LMBR1L: variants seen among roughly 807,000 people sequenced by gnomAD.
LMBR1L encodes the protein protein LMBR1L.
A neutral mutation model predicts 67.3 loss-of-function variants in LMBR1L; 47 were observed. The observed-to-expected ratio is 0.70, with a 90% CI of 0.55 to 0.89. The LOEUF is 0.89. Among genes scored for constraint, LMBR1L ranks in the 40% least tolerant of loss-of-function variants. The pLI is 0.00. For missense variants in LMBR1L, 533 were observed against 599.2 expected, an observed-to-expected ratio of 0.89 and a Z score of 1.15; for synonymous variants, 247 against 250.3, an observed-to-expected ratio of 0.99 and a Z score of 0.13.
rs774526219 is a variant in LMBR1L at position 49,100,543 on chromosome 12, C to G, written c.1173+13G>C. The G allele has an allele frequency of 6.2e-7, 1 of 1,613,028 alleles. No individual in the cohort carries two copies. Among genetic ancestry groups the G allele is most frequent in the Non-Finnish European group, 8.5e-7 (1 of 1,179,004 alleles). ...ACACCCCCCGGGAGCTTCCCTTACT[C>G]CCTCCCAGCTACCTGCGTCATGGCA... On this transcript the variant is annotated intron_variant, in intron 14 of 16. Transcript: ENST00000267102.
chr12:49,099,618 G>C (rs1012577316), intron 15 of LMBR1L, among the ~76,000 whole-genome samples: 2 of 143,328 alleles, frequency 1.4e-5, no homozygotes, highest in African/African-American at 5.2e-5. Context: ...ATTCGCTCTT[G>C]TTGCCCAGGC....
chr12:49,103,579 G>A (rs1940496124), intron 6 of LMBR1L, 108 bp downstream of exon 6: 1 of 1,382,664 alleles, frequency 7.2e-7, no homozygotes, highest in African/African-American at 1.4e-5. Flanking sequence ...TTCAGTCTAA[G>A]GGAGAAGGTG....
chr12:49,104,163 T>C (rs756462598), intron 5 of LMBR1L: 125 of 491,086 alleles, frequency 2.5e-4, no homozygotes, highest in Non-Finnish European at 4.2e-4. Context: ...TTCCTGTGAG[T>C]CCTCCCACGT....
intron 15 of LMBR1L, among the ~76,000 whole-genome samples, chr12:49,098,394 G>A (rs1939687338): frequency 6.6e-6 from 1 of 152,068 alleles, no homozygotes; most frequent in East Asian, 1.9e-4. Context: ...CTTGTTCCTG[G>A]GCCTGGAATA....
intron 11 of LMBR1L, chr12:49,101,906 G>A: frequency 6.7e-6 from 4 of 593,978 alleles, no homozygotes; most frequent in Non-Finnish European, 1.2e-5. Flanking sequence ...CTGTGTCTTT[G>A]GGCAAGTCAC....
At chr12:49,103,875 T>C (rs776342398) in intron 5 of LMBR1L, 62 bp from the exon 6 acceptor site, 379 of 1,520,084 alleles carry the variant, frequency 2.5e-4, no homozygotes, top group Non-Finnish European at 3.2e-4. Flanking sequence ...ACATTGGAGA[T>C]GGCAGGCAGC....
At chr12:49,105,102 C>T in intron 3 of LMBR1L, 1 of 547,264 alleles carries the variant, frequency 1.8e-6, no homozygotes, top group Non-Finnish European at 3.3e-6. Flanking sequence ...TGGGCACAGC[C>T]TCGGGCATTC....
At chr12:49,109,565 T>C (rs897467016) in intron 1 of LMBR1L, among the ~76,000 whole-genome samples, 3 of 152,198 alleles carry the variant, frequency 2.0e-5, no homozygotes, top group Non-Finnish European at 4.4e-5. Context: ...CTTACTAACA[T>C]TTCTTTCTGT....
intron 1 of LMBR1L, among the ~76,000 whole-genome samples, chr12:49,109,456 C>A (rs754928165): frequency 1.3e-5 from 2 of 152,190 alleles, no homozygotes; most frequent in Non-Finnish European, 2.9e-5. Context: ...TAATTATGTC[C>A]TGGCTCAATT....
Position 49,104,874 on chromosome 12 carries a change from C to T in LMBR1L, c.203G>A (p.Cys68Tyr). Residue 68 changes from cysteine (C) to tyrosine (Y), a missense_variant, in exon 4 of 17, where the codon TGC becomes TAC. Transcript: ENST00000267102. ...ATVNKIALEL[C>Y]TFTLAIALGA... ...CAGGGCAATTGCCAGGGTAAAGGTG[C>T]ACAGCTCGAGCCTGGGCAGAGAAGG... is the stretch of plus-strand genomic sequence containing the variant. 3 of 1,611,890 alleles carry T rather than the reference C, an allele frequency of 1.9e-6. No individual in the cohort carries two copies. The highest frequency in any genetic ancestry group is 2.5e-6 in the Non-Finnish European group (3 of 1,179,200).
chr12:49,098,283 A>G (rs1189547524), intron 15 of LMBR1L, among the ~76,000 whole-genome samples, 178 bp from the exon 16 acceptor site: 1 of 152,232 alleles, frequency 6.6e-6, no homozygotes, highest in Non-Finnish European at 1.5e-5. Context: ...AAGTGCCAGC[A>G]GCTAGGCTTG....
intron 10 of LMBR1L, 29 bp downstream of exon 10, chr12:49,102,264 G>A: frequency 1.2e-6 from 2 of 1,613,684 alleles, no homozygotes; most frequent in African/African-American, 1.3e-5. Context: ...GGGAAACCCA[G>A]GTATCCCAAG....
chr12:49,102,629 A>G, intron 8 of LMBR1L, 89 bp from the exon 9 acceptor site: 1 of 1,344,378 alleles, frequency 7.4e-7, no homozygotes, highest in Non-Finnish European at 1.0e-6. Context: ...AGGGCTCCGT[A>G]GTCCCAGGCT....
chr12:49,100,855 G>A (rs1053962840), intron 13 of LMBR1L: 10 of 583,266 alleles, frequency 1.7e-5, no homozygotes, highest in South Asian at 4.3e-5. Context: ...AGCCTCCCAC[G>A]TAGCTGGGAA....
intron 1 of LMBR1L, 134 bp downstream of exon 1, chr12:49,110,350 C>T: frequency 2.5e-6 from 2 of 805,220 alleles, no homozygotes; most frequent in Non-Finnish European, 4.2e-6. Context: ...CGCCCTTCTG[C>T]CCGGACGGAG....
At chr12:49,110,084 C>G (rs539087829) in intron 1 of LMBR1L, 45 of 472,312 alleles carry the variant, frequency 9.5e-5, no homozygotes, top group African/African-American at 8.1e-4. Context: ...GTGACGACGT[C>G]TCCCCTTCAT....
intron 13 of LMBR1L, 182 bp downstream of exon 13, chr12:49,101,068 A>C (rs1940107224): frequency 7.6e-7 from 1 of 1,311,768 alleles, no homozygotes; most frequent in Non-Finnish European, 1.0e-6. Flanking sequence ...CTGAACCACC[A>C]GCCCTCCTTT....
At position 49,100,628 on chromosome 12, in the gene LMBR1L, T is replaced by C. The variant is rs1184050162; in HGVS notation, c.1101A>G (p.Ser367=). 2 of 1,613,766 alleles carry C rather than the reference T, an allele frequency of 1.2e-6. No individual in the cohort carries two copies. Among genetic ancestry groups the C allele is most frequent in the Non-Finnish European group, 1.7e-6 (2 of 1,179,798 alleles). Residue 367 remains serine (S), a synonymous_variant, in exon 14 of 17, where the codon TCA becomes TCG. Transcript: ENST00000267102. ...VVLIFYLMVS[S]VVGFYSSPLF... is the part of the protein sequence containing the mutation. ...GTGGAGAGCTATAGAAGCCCACAAC[T>C]GAGGACACCATTAGGTAACTGCCAC...
chr12:49,106,705 T>A, intron 2 of LMBR1L: 1 of 1,042,430 alleles, frequency 9.6e-7, no homozygotes, highest in Non-Finnish European at 1.4e-6. Flanking sequence ...GTCCACACAA[T>A]GGAGTAGGTA....
Sources: gnomAD v4.1 joint callset for allele counts (sites outside exome capture counted in the v4.1 genomes callset) on GRCh38, gnomAD v4.1.1 for gene constraint, MANE v1.5 for transcripts, NCBI Gene and HGNC (gene_info 2026-07-23, HGNC 2026-07-21) for gene names.